AMPD1: variants seen among roughly 807,000 people sequenced by gnomAD.
The protein encoded by AMPD1 is adenosine monophosphate deaminase 1, also known as AMP deaminase 1.
Under a neutral mutation model 82.9 loss-of-function variants are expected in AMPD1, and 74 were observed. That is an observed-to-expected ratio of 0.89 (90% CI 0.74 to 1.08). The LOEUF is 1.08. Among genes scored for constraint, AMPD1 ranks in the 50% least tolerant of loss-of-function variants. The probability of loss-of-function intolerance (pLI) is 0.00; values close to 1 mark genes in which losing one functional copy is unlikely to be tolerated. For synonymous variants in AMPD1, 333 were observed against 320.5 expected (o/e 1.04, Z -0.42); for missense variants, 881 against 924.5 (o/e 0.95, Z 0.61).
At chr1:114,687,092 T>C (rs1315070326) in intron 3 of AMPD1, 182 bp from the exon 4 acceptor site, 2 of 689,612 alleles carry the variant, frequency 2.9e-6, no homozygotes, top group Non-Finnish European at 5.1e-6. Context: ...ACACATGACC[T>C]TGTGCCCCTC....
rs758720251 is a variant in AMPD1, at chr1:114,695,408, AAAC to A, written c.22+39_22+41del. The A allele has an allele frequency of 3.4e-3, 5,484 of 1,600,568 alleles. 3 individuals carry two copies. The highest frequency in any genetic ancestry group is 4.4e-3 in the Non-Finnish European group (5,203 of 1,173,852). On this transcript the variant is annotated intron_variant, in intron 1 of 15. Transcript: ENST00000520113. ...ACAGTTGCTTGTCAAAAAAAAAAAAAAACAACAACAACTGAGCTCTCCAAACAC... is the reference window on the plus strand; with the variant it reads ...ACAGTTGCTTGTCAAAAAAAAAAAAAAACAACAACTGAGCTCTCCAAACAC...
chr1:114,686,997 A>AC, intron 3 of AMPD1, 87 bp from the exon 4 acceptor site: 1 of 1,415,740 alleles, frequency 7.1e-7, no homozygotes. Context: ...ATACAATTTT[A>AC]TTCTGAGGAC....
In AMPD1 at chr1:114,678,051, G is replaced by GA. The variant is rs776335079; in HGVS notation, c.1093-11dup. 5 of 1,613,580 alleles carry GA rather than the reference G, an allele frequency of 3.1e-6. No individual in the cohort carries two copies. The South Asian group carries it at 4.4e-5, about 14-fold the overall frequency. ...GGAAGGTCTGGCGTCCCTGAATCAG[G>GA]AAAAAAGAGCAGAGATGTATTATTA... On this transcript the variant is annotated splice_polypyrimidine_tract_variant and intron_variant, in intron 8 of 15. Coordinates refer to ENST00000520113, the MANE Select transcript of AMPD1 (RefSeq NM_000036.3).
At chr1:114,676,053 T>G (rs180719432) in intron 10 of AMPD1, 50 bp from the exon 11 acceptor site, 20 of 1,598,602 alleles carry the variant, frequency 1.3e-5, no homozygotes, top group Non-Finnish European at 1.6e-5. Flanking sequence ...TTTTTAGGAC[T>G]GATAGCCCCA....
At chr1:114,674,621 TA>T in intron 13 of AMPD1, 130 bp downstream of exon 13, 3 of 1,184,822 alleles carry the variant, frequency 2.5e-6, no homozygotes, top group East Asian at 2.4e-5. Flanking sequence ...TGCACTAAAC[TA>T]AAAAATCTTT....
rs376403706 is a variant in AMPD1 at position 114,673,599 on chromosome 1, C to G, written c.2085+40G>C. ...CTTTTTCGGTATTCAAGTTAGCAGA[C>G]CCTATACTCAGAAGGGAAGCCATTT... On this transcript the variant is annotated intron_variant, in intron 15 of 15. Coordinates refer to ENST00000520113, the MANE Select transcript of AMPD1 (RefSeq NM_000036.3). 6.7e-6 allele frequency: 10 copies of G among 1,499,924 alleles called. No homozygotes were observed. In the African/African-American group the frequency reaches 1.4e-4, roughly 21 times the overall value. The allele number at this position is 1,499,924 out of a possible 1,614,324, so 92.9% of individuals were successfully genotyped here.
intron 13 of AMPD1, 138 bp downstream of exon 13, chr1:114,674,614 A>T: frequency 9.5e-7 from 1 of 1,053,338 alleles, no homozygotes; most frequent in Non-Finnish European, 1.4e-6. Context: ...AATGAACTGC[A>T]CTAAACTAAA....
At chr1:114,694,460 A>G (rs1418083927) in intron 1 of AMPD1, among the ~76,000 whole-genome samples, 1 of 152,150 alleles carries the variant, frequency 6.6e-6, no homozygotes, top group Non-Finnish European at 1.5e-5. Flanking sequence ...AAACTCTTTA[A>G]TTTTACACAG....
intron 10 of AMPD1, chr1:114,676,360 A>G (rs1016958942): frequency 6.7e-6 from 2 of 299,954 alleles, no homozygotes; most frequent in African/African-American, 4.4e-5. Flanking sequence ...AATGATTACC[A>G]AGAATACCTC....
chr1:114,690,040 C>T (rs941463822), intron 2 of AMPD1, among the ~76,000 whole-genome samples: 1 of 152,134 alleles, frequency 6.6e-6, no homozygotes, highest in Non-Finnish European at 1.5e-5. Context: ...AGAAACATTC[C>T]CCACAGGATG....
At chr1:114,682,952 C>A (rs942867344) in intron 5 of AMPD1, among the ~76,000 whole-genome samples, 2 of 152,080 alleles carry the variant, frequency 1.3e-5, no homozygotes, top group African/African-American at 4.8e-5. Flanking sequence ...AAGACAATTA[C>A]AGGAAGATGT....
In AMPD1 at chr1:114,677,799, CTCCTTCCT is replaced by C. The variant is rs61401956; in HGVS notation, c.1224+103_1224+110del. ...CTTCCTTCCTTCTTTCCCTCTCTCC[CTCCTTCCT>C]TCCTTCCTTCCTTCCTTCCTTCCTT... On this transcript the variant is annotated intron_variant, in intron 9 of 15. Coordinates refer to ENST00000520113, the MANE Select transcript of AMPD1 (RefSeq NM_000036.3). The C allele has an allele frequency of 0.15, 79,156 of 524,114 alleles. 5,024 individuals are homozygous for C. The highest frequency in any genetic ancestry group is 0.2 in the East Asian group (5,101 of 25,002). 32.5% of individuals were successfully genotyped at this position (524,114 alleles called of 1,614,324 possible). A position where few individuals can be genotyped will look rare whatever the true frequency, so the allele number is the denominator to read the frequency against.
rs1557969734 is a variant in AMPD1 at position 114,678,052 on chromosome 1, A to G, written c.1093-11T>C. On this transcript the variant is annotated splice_polypyrimidine_tract_variant and intron_variant, in intron 8 of 15. Transcript: ENST00000520113. ...GAAGGTCTGGCGTCCCTGAATCAGG[A>G]AAAAAGAGCAGAGATGTATTATTAC... The G allele has an allele frequency of 1.9e-6, 3 of 1,613,592 alleles. No individual in the cohort carries two copies. The highest frequency in any genetic ancestry group is 1.7e-5 in the Admixed American group (1 of 59,972).
At chr1:114,688,203 C>T (rs1658376707) in intron 3 of AMPD1, among the ~76,000 whole-genome samples, 1 of 152,080 alleles carries the variant, frequency 6.6e-6, no homozygotes, top group South Asian at 2.1e-4. Flanking sequence ...TCTTGGCTTA[C>T]TGCAACCTCC....
rs1226239267 is a variant in AMPD1, at chr1:114,695,498, T to C, written c.-27A>G. 2.5e-5 allele frequency: 40 copies of C among 1,613,870 alleles called. No homozygotes were observed. Among genetic ancestry groups the C allele is most frequent in the Non-Finnish European group, 3.4e-5 (40 of 1,179,990 alleles). ...GTTGCTGAAATCCTTGATTCTAGGA[T>C]AGCACAGTAGAAAAGAAGAGAGAGG... On this transcript the variant is annotated 5_prime_UTR_variant, in exon 1 of 16. Transcript: ENST00000520113.
At chr1:114,677,877 C>T (rs747148334) in intron 9 of AMPD1, 33 bp downstream of exon 9, 2 of 1,561,382 alleles carry the variant, frequency 1.3e-6, no homozygotes, top group Non-Finnish European at 1.7e-6. Flanking sequence ...AGAACCATGC[C>T]AGATACCATA....
chr1:114,693,131 A>T (rs1290926624), intron 2 of AMPD1, among the ~76,000 whole-genome samples: 1 of 145,960 alleles, frequency 6.9e-6, no homozygotes, highest in African/African-American at 2.5e-5. Flanking sequence ...TAAATAAATA[A>T]ATAAATAAAT....
In AMPD1 at chr1:114,679,573, G is replaced by T. The variant is rs1260968003; in HGVS notation, c.897+6C>A. ...GGAATTACCCCTGAGCAACTAAAAT[G>T]TTTACCTTCCTGCAGTTATAAAAAT... On this transcript the variant is annotated splice_donor_region_variant and intron_variant, in intron 7 of 15. Transcript: ENST00000520113. The T allele has an allele frequency of 2.5e-6, 4 of 1,613,580 alleles. No individual in the cohort carries two copies. Among genetic ancestry groups the T allele is most frequent in the Non-Finnish European group, 3.4e-6 (4 of 1,179,868 alleles).
chr1:114,684,435 C>T, intron 4 of AMPD1, 71 bp from the exon 5 acceptor site: 1 of 1,508,530 alleles, frequency 6.6e-7, no homozygotes, highest in Non-Finnish European at 9.1e-7. Flanking sequence ...TAAAGCTTAT[C>T]CTTGGCACCT....
Sources: allele counts gnomAD v4.1 joint callset (sites outside exome capture counted in the v4.1 genomes callset), GRCh38; gene constraint gnomAD v4.1.1; transcripts MANE v1.5; gene names NCBI Gene and HGNC (gene_info 2026-07-23, HGNC 2026-07-21).